The following ABTB3 variants were observed in gnomAD, a reference collection of about 807,000 sequenced individuals.
ABTB3 encodes the protein ankyrin repeat- and BTB/POZ domain-containing protein 3.
the ABTB3 span, among the ~76,000 whole-genome samples, chr12:107,604,506 A>C: frequency 1.3e-5 from 2 of 152,246 alleles, no homozygotes; most frequent in Non-Finnish European, 2.9e-5. Flanking sequence ...GCCAACAGGT[A>C]TATGAAAAAA....
At chr12:107,393,107 T>C in the ABTB3 span, among the ~76,000 whole-genome samples, 4 of 152,188 alleles carry the variant, frequency 2.6e-5, no homozygotes, top group Non-Finnish European at 5.9e-5. Context: ...AAGAAGCCAA[T>C]GATTTATACG....
the ABTB3 span, among the ~76,000 whole-genome samples, chr12:107,641,268 T>C: frequency 4.6e-5 from 7 of 152,308 alleles, no homozygotes. Context: ...TTTTCAGTCA[T>C]GACAGCATAG....
At chr12:107,476,246 G>C in the ABTB3 span, among the ~76,000 whole-genome samples, 1 of 152,244 alleles carries the variant, frequency 6.6e-6, no homozygotes, top group East Asian at 1.9e-4. Flanking sequence ...AGATGAGCTG[G>C]GAGCTACCAA....
the ABTB3 span, among the ~76,000 whole-genome samples, chr12:107,475,086 C>A: frequency 6.6e-6 from 1 of 152,162 alleles, no homozygotes; most frequent in Non-Finnish European, 1.5e-5. Flanking sequence ...TGTCTGGCTG[C>A]AGCATTAACT....
At chr12:107,602,770 A>G in the ABTB3 span, among the ~76,000 whole-genome samples, 4 of 152,234 alleles carry the variant, frequency 2.6e-5, no homozygotes, top group Non-Finnish European at 4.4e-5. Flanking sequence ...TCCAGAGATC[A>G]GCAGAATGCA....
chr12:107,516,239 T>TA, the ABTB3 span, among the ~76,000 whole-genome samples: 1 of 147,978 alleles, frequency 6.8e-6, no homozygotes, highest in Non-Finnish European at 1.5e-5. Context: ...TTTTTTTTTT[T>TA]ATTTTTTTGG....
chr12:107,448,642 T>TG, the ABTB3 span, among the ~76,000 whole-genome samples: 1 of 148,156 alleles, frequency 6.7e-6, no homozygotes, highest in Non-Finnish European at 1.5e-5. Context: ...TCTTTCTTTC[T>TG]TTCTTTTTTT....
chr12:107,318,808 G>T, the ABTB3 span: 4 of 1,017,484 alleles, frequency 3.9e-6, no homozygotes, highest in Non-Finnish European at 5.6e-6. Flanking sequence ...ACTAACAGTT[G>T]GTAGCAGCGG....
chr12:107,615,614 G>A, the ABTB3 span, among the ~76,000 whole-genome samples: 7 of 152,236 alleles, frequency 4.6e-5, no homozygotes, highest in Non-Finnish European at 8.8e-5. Context: ...GTTTCCAAAA[G>A]ACACTTGCTT....
chr12:107,326,760 G>T, the ABTB3 span, among the ~76,000 whole-genome samples: 1 of 152,198 alleles, frequency 6.6e-6, no homozygotes, highest in African/African-American at 2.4e-5. Flanking sequence ...CCACATCTGA[G>T]CAGGGTGGGA....
chr12:107,372,193 A>G, the ABTB3 span, among the ~76,000 whole-genome samples: 3 of 152,222 alleles, frequency 2.0e-5, no homozygotes, highest in Admixed American at 6.5e-5. Flanking sequence ...TGTTGGATCA[A>G]TGAATGAATA....
At chr12:107,393,075 G>A in the ABTB3 span, among the ~76,000 whole-genome samples, 6 of 152,170 alleles carry the variant, frequency 3.9e-5, no homozygotes, top group East Asian at 3.9e-4. Flanking sequence ...GGCCTCTGTC[G>A]GTGCTTCTGC....
the ABTB3 span, among the ~76,000 whole-genome samples, chr12:107,439,143 C>T: frequency 1.3e-5 from 2 of 152,174 alleles, no homozygotes; most frequent in African/African-American, 2.4e-5. Context: ...CTAATAATCA[C>T]GCGTCTTTAA....
the ABTB3 span, among the ~76,000 whole-genome samples, chr12:107,619,294 A>G: frequency 6.6e-6 from 1 of 152,212 alleles, no homozygotes; most frequent in Admixed American, 6.5e-5. Context: ...GTGCCTCTGC[A>G]TGAGAGGCGA....
chr12:107,469,858 TTTCTTTC>T, the ABTB3 span, among the ~76,000 whole-genome samples: 1 of 144,344 alleles, frequency 6.9e-6, no homozygotes, highest in African/African-American at 2.7e-5. Flanking sequence ...TTTCTCTTTC[TTTCTTTC>T]TTTTCTTTCT....
At chr12:107,448,044 G>A in the ABTB3 span, among the ~76,000 whole-genome samples, 1 of 151,968 alleles carries the variant, frequency 6.6e-6, no homozygotes, top group Non-Finnish European at 1.5e-5. Flanking sequence ...TGTCTTAAGT[G>A]AATGTCAGAG....
the ABTB3 span, among the ~76,000 whole-genome samples, chr12:107,464,226 TGTG>T: frequency 6.8e-6 from 1 of 146,676 alleles, no homozygotes; most frequent in Non-Finnish European, 1.5e-5. Flanking sequence ...TGTGTGTGTG[TGTG>T]TGTGTGTGTG....
chr12:107,432,214 C>T, the ABTB3 span, among the ~76,000 whole-genome samples: 4 of 152,010 alleles, frequency 2.6e-5, no homozygotes, highest in African/African-American at 7.3e-5. Context: ...CTGGTGTAGC[C>T]AGGTGATACT....
the ABTB3 span, among the ~76,000 whole-genome samples, chr12:107,438,410 G>A: frequency 6.6e-6 from 1 of 152,194 alleles, no homozygotes; most frequent in Non-Finnish European, 1.5e-5. Flanking sequence ...AAGCTTGCGG[G>A]ATGGATTCTT....
Sources: gnomAD v4.1 joint callset for allele counts (sites outside exome capture counted in the v4.1 genomes callset) on GRCh38, gnomAD v4.1.1 for gene constraint, MANE v1.5 for transcripts, NCBI Gene and HGNC (gene_info 2026-07-23, HGNC 2026-07-21) for gene names.